KPNA6: variants seen among roughly 807,000 people sequenced by gnomAD.
KPNA6 encodes the protein karyopherin subunit alpha 6, also known as importin subunit alpha-7.
Under a neutral mutation model 72.0 loss-of-function variants are expected in KPNA6, and 9 were observed. The observed-to-expected ratio is 0.13, with a 90% CI of 0.08 to 0.22. The LOEUF is 0.22. Ranked by LOEUF, KPNA6 falls within the 10% of genes least tolerant of loss-of-function variation. The pLI, the probability that KPNA6 is intolerant of heterozygous loss-of-function variation, is 1.00. For missense variants in KPNA6, 374 were observed against 655.7 expected (o/e 0.57, Z 4.69); for synonymous variants, 219 against 242.1 (o/e 0.90, Z 0.89).
At chr1:32,164,964 C>T (rs1642305790) in intron 10 of KPNA6, among the ~76,000 whole-genome samples, 2 of 152,028 alleles carry the variant, frequency 1.3e-5, no homozygotes, top group South Asian at 2.1e-4. Flanking sequence ...ATGATGCCAT[C>T]TCGGCTCACT....
Position 32,174,827 on chromosome 1 carries a change from T to G in KPNA6, c.*3933T>G, listed in dbSNP as rs1362848310. The G allele has an allele frequency of 6.6e-6, 1 of 152,212 alleles. No homozygotes were observed. Among genetic ancestry groups the G allele is most frequent in the African/African-American group, 2.4e-5 (1 of 41,458 alleles). 9.4% of individuals were successfully genotyped at this position (152,212 alleles called of 1,614,324 possible). ...GTGCGCTAAACCATGGTAAACATCT[T>G]CAATAGAACTACCCTAGAATTTAGT... On this transcript the variant is annotated 3_prime_UTR_variant, in exon 14 of 14. Transcript: ENST00000373625.
At chr1:32,166,281 A>T in intron 11 of KPNA6, 51 bp downstream of exon 11, 2 of 1,566,694 alleles carry the variant, frequency 1.3e-6, no homozygotes, top group Non-Finnish European at 1.7e-6. Flanking sequence ...GGAACTTGGG[A>T]GGTTGTTGGA....
At chr1:32,108,906 CTT>C (rs1233526354) in intron 1 of KPNA6, among the ~76,000 whole-genome samples, 1 of 152,200 alleles carries the variant, frequency 6.6e-6, no homozygotes, top group African/African-American at 2.4e-5. Context: ...ATGGCGAAGT[CTT>C]TGGATTTAGA....
At chr1:32,125,136 C>T (rs1177983352) in intron 1 of KPNA6, among the ~76,000 whole-genome samples, 2 of 152,206 alleles carry the variant, frequency 1.3e-5, no homozygotes, top group Non-Finnish European at 2.9e-5. Flanking sequence ...TGAGTCACCT[C>T]ACCTGGTCTT....
chr1:32,157,272 G>T (rs755478939), intron 3 of KPNA6, 74 bp from the exon 4 acceptor site: 1 of 1,122,410 alleles, frequency 8.9e-7, no homozygotes, highest in African/African-American at 1.5e-5. Flanking sequence ...AAAACAGGAT[G>T]CCAAGCAGTA....
chr1:32,167,469 T>G (rs561673263), intron 12 of KPNA6, among the ~76,000 whole-genome samples, 173 bp downstream of exon 12: 1 of 152,098 alleles, frequency 6.6e-6, no homozygotes, highest in African/African-American at 2.4e-5. Context: ...TGGAATAGAT[T>G]CCATGTAAGC....
At position 32,108,086 on chromosome 1, in the gene KPNA6, T is replaced by C. The variant is rs1641174637; in HGVS notation, c.-45T>C. On this transcript the variant is annotated 5_prime_UTR_variant, in exon 1 of 14. Transcript: ENST00000373625. ...GTCTACTGAAAGCTGCCGCTGAAGC[T>C]GCCGCCGTTGCCTCCGCCGCCAAGA... The C allele has an allele frequency of 6.2e-7, 1 of 1,613,690 alleles. No individual in the cohort carries two copies. The highest frequency in any genetic ancestry group is 1.1e-5 in the South Asian group (1 of 91,062).
rs1384298483 is a variant in KPNA6, at chr1:32,170,067, G to T, written c.1423+7G>T. ...CTCATAGAGGAAGCCTATGGTATGTGCCCTCTCCTCAATCTAGGTCAGAAC... is the reference window on the plus strand; with the variant it reads ...CTCATAGAGGAAGCCTATGGTATGTTCCCTCTCCTCAATCTAGGTCAGAAC... On this transcript the variant is annotated splice_region_variant and intron_variant, in intron 13 of 13. Coordinates refer to ENST00000373625, the MANE Select transcript of KPNA6 (RefSeq NM_012316.5). 6.2e-7 allele frequency: 1 copy of T among 1,612,090 alleles called. No individual in the cohort carries two copies. Among genetic ancestry groups the T allele is most frequent in the African/African-American group, 1.3e-5 (1 of 74,980 alleles).
intron 1 of KPNA6, among the ~76,000 whole-genome samples, chr1:32,146,935 C>T (rs931082349): frequency 6.6e-6 from 1 of 152,112 alleles, no homozygotes; most frequent in Non-Finnish European, 1.5e-5. Flanking sequence ...TCACGGCTCA[C>T]TGCAGCCTGA....
chr1:32,144,050 T>C lies in KPNA6; in HGVS notation c.5-10538T>C, dbSNP rs116753492. On this transcript the variant is annotated intron_variant, in intron 1 of 13. Transcript: ENST00000373625. ...GTACCAAACCCTATATACTATATTA[T>C]TTCCTATACATACGTACCTATGATG... 2.6e-3 allele frequency among the ~76,000 whole-genome samples: 395 copies of C among 152,336 alleles called. 1 individual carries two copies. Among genetic ancestry groups the C allele is most frequent in the African/African-American group, 9.3e-3 (385 of 41,584 alleles).
rs1044038314 is a variant in KPNA6, at chr1:32,151,952, T to A, written c.5-2636T>A. Reference sequence around the variant, plus strand: ...TCTAATGAAATAGTATTAAAATACATAAAGCAAAATTAAACTACGGGGTAA... The same window carrying A: ...TCTAATGAAATAGTATTAAAATACAAAAAGCAAAATTAAACTACGGGGTAA... On this transcript the variant is annotated intron_variant, in intron 1 of 13. Transcript: ENST00000373625. 3.3e-5 allele frequency among the ~76,000 whole-genome samples: 5 copies of A among 152,226 alleles called. No individual in the cohort carries two copies. In the East Asian group the frequency reaches 9.6e-4, roughly 29 times the overall value.
At chr1:32,133,565 C>T (rs984863713) in intron 1 of KPNA6, among the ~76,000 whole-genome samples, 24 of 150,236 alleles carry the variant, frequency 1.6e-4, no homozygotes, top group Non-Finnish European at 2.5e-4. Context: ...ATGGCATGGG[C>T]CTGTGGTCCC....
Position 32,173,013 on chromosome 1 carries a change from T to G in KPNA6, c.*2119T>G. On this transcript the variant is annotated 3_prime_UTR_variant, in exon 14 of 14. Transcript: ENST00000373625. ...ATGGTTTAGGTCTGGCAATTGTCCT[T>G]GAAAAATCCCACCCATGTTGTACCA... 1 of 398,288 alleles carries G rather than the reference T, an allele frequency of 2.5e-6. No individual in the cohort carries two copies. The highest frequency in any genetic ancestry group is 4.4e-6 in the Non-Finnish European group (1 of 225,992). The allele number at this position is 398,288 out of a possible 1,614,324, so 24.7% of individuals were successfully genotyped here.
intron 1 of KPNA6, among the ~76,000 whole-genome samples, chr1:32,146,929 G>A (rs548096811): frequency 1.3e-5 from 2 of 151,874 alleles, no homozygotes; most frequent in Admixed American, 1.3e-4. Flanking sequence ...GTACAGTCAC[G>A]GCTCACTGCA....
At chr1:32,108,748 G>A (rs997807447) in intron 1 of KPNA6, among the ~76,000 whole-genome samples, 2 of 152,228 alleles carry the variant, frequency 1.3e-5, no homozygotes, top group African/African-American at 4.8e-5. Flanking sequence ...GCTTGTGATG[G>A]TAGAACACCA....
chr1:32,134,348 G>A (rs1486178013), intron 1 of KPNA6, among the ~76,000 whole-genome samples: 2 of 151,754 alleles, frequency 1.3e-5, no homozygotes, highest in Non-Finnish European at 2.9e-5. Context: ...AAGCTTAGGG[G>A]GGTTGTTACC....
At chr1:32,161,341 G>T (rs1462500536) in intron 7 of KPNA6, among the ~76,000 whole-genome samples, 1 of 152,152 alleles carries the variant, frequency 6.6e-6, no homozygotes, top group Non-Finnish European at 1.5e-5. Flanking sequence ...ATGGGGTTTT[G>T]CATACATACA....
At chr1:32,119,801 G>A (rs1240293570) in intron 1 of KPNA6, among the ~76,000 whole-genome samples, 1 of 148,766 alleles carries the variant, frequency 6.7e-6, no homozygotes, top group African/African-American at 2.5e-5. Context: ...CTAGAGTGCA[G>A]TGGCACGATC....
intron 1 of KPNA6, among the ~76,000 whole-genome samples, chr1:32,142,255 CAAAAAAAAAAAAA>C (rs763008502): frequency 3.4e-4 from 19 of 55,306 alleles, no homozygotes; most frequent in African/African-American, 1.2e-3. Context: ...GACCCTGTCT[CAAAAAAAAAAAAA>C]AAAAAAAAAA....
Sources: gnomAD v4.1 joint callset for allele counts (sites outside exome capture counted in the v4.1 genomes callset) on GRCh38, gnomAD v4.1.1 for gene constraint, MANE v1.5 for transcripts, NCBI Gene and HGNC (gene_info 2026-07-23, HGNC 2026-07-21) for gene names.